The following ACCSL variants were observed in gnomAD, a reference collection of about 807,000 sequenced individuals.
ACCSL encodes 1-aminocyclopropane-1-carboxylate synthase homolog (inactive) like.
ACCSL carries 55 observed loss-of-function variants against 61.7 expected under a neutral mutation model. That is an observed-to-expected ratio of 0.89 (90% CI 0.72 to 1.12). ACCSL has a LOEUF of 1.12. Ranked by LOEUF, ACCSL falls within the 50% of genes most tolerant of loss-of-function variation. The probability of loss-of-function intolerance (pLI) is 0.00; values close to 1 mark genes in which losing one functional copy is unlikely to be tolerated. For synonymous variants in ACCSL, 258 were observed against 264.3 expected, an observed-to-expected ratio of 0.98 and a Z score of 0.23; for missense variants, 632 against 698.0, an observed-to-expected ratio of 0.91 and a Z score of 1.07.
chr11:43,993,351 T>C, the ACCSL span, among the ~76,000 whole-genome samples: 3 of 152,164 alleles, frequency 2.0e-5, no homozygotes, highest in Non-Finnish European at 4.4e-5. Context: ...CTCAGGGTTC[T>C]GGGACAGAGT....
chr11:43,961,979 T>C, the ACCSL span, among the ~76,000 whole-genome samples: 1 of 152,206 alleles, frequency 6.6e-6, no homozygotes, highest in South Asian at 2.1e-4. Context: ...TCCCACACTG[T>C]GGAGTGTACT....
chr11:44,042,555 C>T, the ACCSL span, among the ~76,000 whole-genome samples: 1 of 151,856 alleles, frequency 6.6e-6, no homozygotes, highest in Non-Finnish European at 1.5e-5. Flanking sequence ...ACTCCTCAAG[C>T]CATTCTCTTG....
chr11:43,992,646 TC>T, the ACCSL span, among the ~76,000 whole-genome samples: 4 of 139,658 alleles, frequency 2.9e-5, no homozygotes, highest in African/African-American at 9.8e-5. Context: ...AAAGGTATGA[TC>T]AATGTTAGAG....
the ACCSL span, among the ~76,000 whole-genome samples, chr11:43,988,503 G>GGTCT: frequency 7.0e-4 from 107 of 152,022 alleles, 1 homozygote; most frequent in Non-Finnish European, 4.3e-4. Flanking sequence ...TGTAGAAGGG[G>GGTCT]GTCTCGGTGG....
chr11:44,039,189 C>A, the ACCSL span, among the ~76,000 whole-genome samples: 6 of 152,106 alleles, frequency 3.9e-5, no homozygotes, highest in African/African-American at 1.4e-4. Flanking sequence ...AGGTCCTGCC[C>A]TCTGGGGTAA....
intron 3 of ACCSL, among the ~76,000 whole-genome samples, chr11:44,051,024 G>A (rs1952634482): frequency 6.6e-6 from 1 of 152,040 alleles, no homozygotes; most frequent in Admixed American, 6.5e-5. Flanking sequence ...TGTATTTTTA[G>A]TAGAGACGGG....
At chr11:43,978,748 T>C in the ACCSL span, among the ~76,000 whole-genome samples, 1 of 147,656 alleles carries the variant, frequency 6.8e-6, no homozygotes, top group South Asian at 2.2e-4. Flanking sequence ...AAAACCCCAG[T>C]GAAATAGAAT....
the ACCSL span, among the ~76,000 whole-genome samples, chr11:43,967,167 CTTTTT>C: frequency 6.4e-5 from 4 of 62,692 alleles, no homozygotes; most frequent in Non-Finnish European, 8.1e-5. Context: ...TCTTCTTCTT[CTTTTT>C]TTTTTTTTTT....
chr11:44,022,067 T>C, the ACCSL span, among the ~76,000 whole-genome samples: 1 of 152,294 alleles, frequency 6.6e-6, no homozygotes, highest in East Asian at 1.9e-4. Context: ...TTCAGATTTT[T>C]TTTTTTGCTT....
chr11:44,004,589 G>A, the ACCSL span, among the ~76,000 whole-genome samples: 2 of 152,178 alleles, frequency 1.3e-5, no homozygotes, highest in Non-Finnish European at 2.9e-5. Context: ...AGCCCCAGCC[G>A]CAGGCAGGAT....
At chr11:44,004,420 G>A in the ACCSL span, among the ~76,000 whole-genome samples, 2 of 151,906 alleles carry the variant, frequency 1.3e-5, no homozygotes, top group African/African-American at 4.8e-5. Context: ...TCACCAGCCT[G>A]TTCCAAAATT....
chr11:44,051,514 C>T, intron 4 of ACCSL, 110 bp downstream of exon 4: 1 of 1,541,260 alleles, frequency 6.5e-7, no homozygotes, highest in South Asian at 1.1e-5. Flanking sequence ...CTCTCAGGGC[C>T]AGGGCAGCAT....
the ACCSL span, among the ~76,000 whole-genome samples, chr11:43,960,881 C>T: frequency 6.6e-6 from 1 of 152,106 alleles, no homozygotes; most frequent in Non-Finnish European, 1.5e-5. Context: ...TGCAGAGGCA[C>T]GATCTTGGCT....
At chr11:44,056,824 T>C (rs1952674881) in intron 11 of ACCSL, among the ~76,000 whole-genome samples, 9 of 152,132 alleles carry the variant, frequency 5.9e-5, no homozygotes, top group Admixed American at 5.9e-4. Flanking sequence ...AAAGTGAAAC[T>C]CTGTCTCAAA....
At chr11:43,979,904 GA>G in the ACCSL span, among the ~76,000 whole-genome samples, 6 of 144,870 alleles carry the variant, frequency 4.1e-5, no homozygotes, top group African/African-American at 1.5e-4. Flanking sequence ...AAACATTACA[GA>G]AATGTGTAAC....
At chr11:44,025,068 G>A in the ACCSL span, among the ~76,000 whole-genome samples, 2 of 151,940 alleles carry the variant, frequency 1.3e-5, no homozygotes, top group Admixed American at 6.6e-5. Context: ...ATCTGTTTAT[G>A]TGTTTGATTC....
the ACCSL span, chr11:43,933,233 C>T: frequency 2.2e-6 from 1 of 454,088 alleles, no homozygotes; most frequent in South Asian, 1.6e-5. Flanking sequence ...TGCGAGGCTA[C>T]AAGCCCAGTC....
At chr11:43,954,759 T>G in the ACCSL span, among the ~76,000 whole-genome samples, 2 of 152,096 alleles carry the variant, frequency 1.3e-5, no homozygotes, top group African/African-American at 4.8e-5. Flanking sequence ...TAATTTTGTA[T>G]TTTTTAGTAG....
At chr11:43,949,808 C>T in the ACCSL span, among the ~76,000 whole-genome samples, 1 of 147,730 alleles carries the variant, frequency 6.8e-6, no homozygotes, top group East Asian at 2.0e-4. Context: ...AAGCAAGACT[C>T]CATCTCAAAA....
Sources: allele counts gnomAD v4.1 joint callset (sites outside exome capture counted in the v4.1 genomes callset), GRCh38; gene constraint gnomAD v4.1.1; transcripts MANE v1.5; gene names NCBI Gene and HGNC (gene_info 2026-07-23, HGNC 2026-07-21).